The following PCCA variants were observed in gnomAD, a reference collection of about 807,000 sequenced individuals.
PCCA encodes propionyl-CoA carboxylase subunit alpha.
In PCCA, 74 loss-of-function variants were observed where a neutral mutation model predicts 101.3. That is an observed-to-expected ratio of 0.73 (90% CI 0.61 to 0.89). The LOEUF is 0.89. PCCA is among the 40% of genes least tolerant of loss of function. PCCA has a pLI of 0.00. For synonymous variants in PCCA, 294 were observed against 313.6 expected (o/e 0.94, Z 0.66); for missense variants, 891 against 907.0 (o/e 0.98, Z 0.23).
chr13:100,176,029 AGCAAAGG>A (rs2056208925), intron 6 of PCCA, among the ~76,000 whole-genome samples: 1 of 152,236 alleles, frequency 6.6e-6, no homozygotes, highest in Non-Finnish European at 1.5e-5. Context: ...AGTTTTCAGA[AGCAAAGG>A]GCTTGATAGG....
intron 21 of PCCA, among the ~76,000 whole-genome samples, chr13:100,468,611 T>C (rs1368804867): frequency 6.6e-6 from 1 of 152,190 alleles, no homozygotes; most frequent in Non-Finnish European, 1.5e-5. Context: ...CTTCACACTT[T>C]TCTTTTGCAG....
At chr13:100,141,162 A>G (rs531639838) in intron 4 of PCCA, among the ~76,000 whole-genome samples, 15 of 152,296 alleles carry the variant, frequency 9.8e-5, no homozygotes, top group African/African-American at 3.6e-4. Flanking sequence ...TTCAAGATCC[A>G]TTCAAGTTCC....
chr13:100,516,059 G>A (rs2086811032), intron 22 of PCCA, among the ~76,000 whole-genome samples: 1 of 152,232 alleles, frequency 6.6e-6, no homozygotes, highest in African/African-American at 2.4e-5. Flanking sequence ...TAGCATCACA[G>A]TTTGAAGTTT....
intron 19 of PCCA, among the ~76,000 whole-genome samples, chr13:100,387,910 A>C (rs1567048800): frequency 1.3e-5 from 2 of 152,112 alleles, no homozygotes; most frequent in African/African-American, 4.8e-5. Flanking sequence ...AAATATATAA[A>C]ATTCAGTTAC....
At chr13:100,132,018 A>G (rs955862242) in intron 4 of PCCA, among the ~76,000 whole-genome samples, 1 of 152,136 alleles carries the variant, frequency 6.6e-6, no homozygotes, top group Non-Finnish European at 1.5e-5. Flanking sequence ...AGTTAGGTGA[A>G]GCTGGGAGAG....
At chr13:100,449,376 G>A (rs929319659) in intron 21 of PCCA, 71 bp downstream of exon 21, 3 of 901,676 alleles carry the variant, frequency 3.3e-6, no homozygotes, top group Admixed American at 2.4e-5. Context: ...TAGCTCATGT[G>A]TTTGAACTTG....
chr13:100,458,099 T>G (rs1474102978), intron 21 of PCCA, among the ~76,000 whole-genome samples: 1 of 152,150 alleles, frequency 6.6e-6, no homozygotes, highest in Non-Finnish European at 1.5e-5. Context: ...ATTAGGTTTA[T>G]TCTGTCTACT....
At chr13:100,425,451 C>G (rs2079075624) in intron 19 of PCCA, among the ~76,000 whole-genome samples, 182 bp from the exon 20 acceptor site, 1 of 152,252 alleles carries the variant, frequency 6.6e-6, no homozygotes, top group South Asian at 2.1e-4. Context: ...CTTCACCTCT[C>G]CCCAGAGATG....
At chr13:100,297,252 T>C (rs1281419913) in intron 12 of PCCA, among the ~76,000 whole-genome samples, 1 of 152,210 alleles carries the variant, frequency 6.6e-6, no homozygotes, top group Non-Finnish European at 1.5e-5. Flanking sequence ...CTTAATAAAG[T>C]ATCTTATAGG....
At chr13:100,349,494 C>G (rs1176761336) in intron 18 of PCCA, among the ~76,000 whole-genome samples, 1 of 152,012 alleles carries the variant, frequency 6.6e-6, no homozygotes, top group Non-Finnish European at 1.5e-5. Flanking sequence ...AAATCCCAAC[C>G]TCAGGTCATC....
chr13:100,239,186 T>G (rs2060977208), intron 8 of PCCA, among the ~76,000 whole-genome samples: 1 of 152,226 alleles, frequency 6.6e-6, no homozygotes, highest in African/African-American at 2.4e-5. Context: ...TAATGCTAAT[T>G]CTTGGGTTTA....
At position 100,201,223 on chromosome 13, in the gene PCCA, G is replaced by A. The variant is rs187160955; in HGVS notation, c.469-8109G>A. ...TATATATCTCCTTAGCTTTCATTTA[G>A]TTTTAGCTCTACAAGTAAATCCCGA... On this transcript the variant is annotated intron_variant, in intron 6 of 23. Transcript: ENST00000376285. Among the ~76,000 whole-genome samples the A allele has an allele frequency of 1.7e-3, 261 of 152,014 alleles. 2 individuals carry two copies. The highest frequency in any genetic ancestry group is 6.9e-3 in the Admixed American group (105 of 15,262).
intron 21 of PCCA, among the ~76,000 whole-genome samples, chr13:100,467,121 A>G (rs1376297338): frequency 1.3e-5 from 2 of 152,180 alleles, no homozygotes; most frequent in African/African-American, 4.8e-5. Context: ...GGATTTGCTC[A>G]GAGTGGTTTA....
chr13:100,427,174 G>A (rs1052893418), intron 20 of PCCA, among the ~76,000 whole-genome samples: 13 of 152,332 alleles, frequency 8.5e-5, no homozygotes, highest in East Asian at 7.7e-4. Context: ...CCAGGATCAC[G>A]CCATTGCACT....
At position 100,182,195 on chromosome 13, in the gene PCCA, C is replaced by G. The variant is rs534485507; in HGVS notation, c.468+24855C>G. The stretch of plus-strand genomic sequence containing the variant: ...TTACTGCAACCTCCACCTCCCCGTT[C>G]AAGCGATTCTCCTGCCTCAGCCTCC... On this transcript the variant is annotated intron_variant, in intron 6 of 23. Coordinates refer to ENST00000376285, the MANE Select transcript of PCCA (RefSeq NM_000282.4). Among the ~76,000 whole-genome samples the G allele has an allele frequency of 3.5e-3, 511 of 147,190 alleles. 3 individuals are homozygous for G. Among genetic ancestry groups the G allele is most frequent in the Non-Finnish European group, 5.6e-3 (375 of 67,266 alleles).
chr13:100,093,270 T>G (rs1162853477), intron 1 of PCCA, among the ~76,000 whole-genome samples: 1 of 152,080 alleles, frequency 6.6e-6, no homozygotes, highest in Admixed American at 6.5e-5. Context: ...AGAGTTAGAG[T>G]TAGAACTGTG....
intron 20 of PCCA, among the ~76,000 whole-genome samples, chr13:100,439,735 G>A (rs1028290782): frequency 2.0e-5 from 3 of 151,660 alleles, no homozygotes; most frequent in African/African-American, 7.3e-5. Context: ...ACTGCTGTTG[G>A]CCTGTTTCTT....
intron 10 of PCCA, among the ~76,000 whole-genome samples, chr13:100,266,446 A>G (rs2062939493): frequency 6.6e-6 from 1 of 152,198 alleles, no homozygotes; most frequent in Non-Finnish European, 1.5e-5. Context: ...TCTCATCTAT[A>G]CTTAGAAGGG....
At chr13:100,404,483 T>C (rs1184091330) in intron 19 of PCCA, among the ~76,000 whole-genome samples, 1 of 152,116 alleles carries the variant, frequency 6.6e-6, no homozygotes, top group Non-Finnish European at 1.5e-5. Flanking sequence ...GCGTTTTTTT[T>C]CAAAGGAGTC....
Sources: gnomAD v4.1 joint callset for allele counts (sites outside exome capture counted in the v4.1 genomes callset) on GRCh38, gnomAD v4.1.1 for gene constraint, MANE v1.5 for transcripts, NCBI Gene and HGNC (gene_info 2026-07-23, HGNC 2026-07-21) for gene names.